Variants in MYO1D observed in about 807,000 individuals in gnomAD.
The protein encoded by MYO1D is myosin ID, also known as unconventional myosin-Id.
Under a neutral mutation model 122.0 loss-of-function variants are expected in MYO1D, and 83 were observed. The observed-to-expected ratio is 0.68, with a 90% CI of 0.57 to 0.82. The LOEUF (loss-of-function observed/expected upper bound fraction) is 0.82, where lower values mean the gene tolerates loss of function less well. Ranked by LOEUF, MYO1D falls within the 40% of genes least tolerant of loss-of-function variation. The pLI is 0.00. For synonymous variants in MYO1D, 464 were observed against 446.9 expected, an observed-to-expected ratio of 1.04 and a Z score of -0.48; for missense variants, 1,157 against 1,269.5, an observed-to-expected ratio of 0.91 and a Z score of 1.35.
intron 1 of MYO1D, among the ~76,000 whole-genome samples, chr17:32,801,991 A>C (rs890086158): frequency 6.6e-6 from 1 of 152,228 alleles, no homozygotes; most frequent in African/African-American, 2.4e-5. Context: ...TGTGGAAAAT[A>C]AGGAGAATCA....
At chr17:32,810,368 T>C (rs16967651) in intron 1 of MYO1D, among the ~76,000 whole-genome samples, 4,233 of 152,332 alleles carry the variant, frequency 0.028, 92 homozygotes, top group Middle Eastern at 0.048. Flanking sequence ...TGTCAGAATG[T>C]GCTGGAGGAT....
At chr17:32,757,016 T>C (rs1488437772) in intron 10 of MYO1D, among the ~76,000 whole-genome samples, 1 of 152,178 alleles carries the variant, frequency 6.6e-6, no homozygotes, top group East Asian at 1.9e-4. Flanking sequence ...TCTTGCTATG[T>C]CCCATCTTAC....
intron 21 of MYO1D, among the ~76,000 whole-genome samples, chr17:32,566,302 G>T (rs920885438): frequency 2.0e-5 from 3 of 152,166 alleles, no homozygotes; most frequent in Non-Finnish European, 4.4e-5. Context: ...TTGAGGAGAG[G>T]GTCAGGAAAA....
intron 19 of MYO1D, among the ~76,000 whole-genome samples, chr17:32,643,151 A>C (rs2543973): frequency 0.6 from 91,663 of 151,994 alleles, 28,037 homozygotes; most frequent in Middle Eastern, 0.7. Flanking sequence ...GAATTTTGTC[A>C]AAGGCCTTTT....
chr17:32,581,504 C>CT (rs1332107407), intron 21 of MYO1D, among the ~76,000 whole-genome samples: 1 of 151,100 alleles, frequency 6.6e-6, no homozygotes, highest in African/African-American at 2.4e-5. Context: ...CCTCCCTTCC[C>CT]TTTTCCTTTT....
At chr17:32,554,918 T>C (rs1384033108) in intron 21 of MYO1D, among the ~76,000 whole-genome samples, 3 of 152,176 alleles carry the variant, frequency 2.0e-5, no homozygotes, top group African/African-American at 7.2e-5. Flanking sequence ...GTAAGTGAAG[T>C]ATGCTCACAC....
chr17:32,680,876 G>A (rs1466863181), intron 16 of MYO1D, among the ~76,000 whole-genome samples: 1 of 152,046 alleles, frequency 6.6e-6, no homozygotes, highest in East Asian at 1.9e-4. Flanking sequence ...GAATCCATCT[G>A]GTCCTGGACT....
chr17:32,866,833 G>C (rs2091129538), intron 1 of MYO1D, among the ~76,000 whole-genome samples: 1 of 152,200 alleles, frequency 6.6e-6, no homozygotes, highest in African/African-American at 2.4e-5. Flanking sequence ...TCAGGCCACA[G>C]GGCAGGGGGA....
chr17:32,857,314 G>A (rs551225485), intron 1 of MYO1D, among the ~76,000 whole-genome samples: 26 of 152,226 alleles, frequency 1.7e-4, no homozygotes, highest in Admixed American at 3.9e-4. Context: ...GGCCGGGCAC[G>A]GTGGCTCATG....
At chr17:32,722,929 A>T (rs1349160433) in intron 14 of MYO1D, among the ~76,000 whole-genome samples, 1 of 152,092 alleles carries the variant, frequency 6.6e-6, no homozygotes, top group African/African-American at 2.4e-5. Flanking sequence ...CATGTGCTGG[A>T]ACTTACAGCT....
At chr17:32,822,689 G>A (rs1567659227) in intron 1 of MYO1D, among the ~76,000 whole-genome samples, 1 of 149,920 alleles carries the variant, frequency 6.7e-6, no homozygotes, top group Non-Finnish European at 1.5e-5. Context: ...CGGCCCTCGC[G>A]CGTCCCTCCT....
intron 20 of MYO1D, among the ~76,000 whole-genome samples, chr17:32,620,548 C>T (rs544292875): frequency 2.0e-5 from 3 of 152,194 alleles, no homozygotes; most frequent in South Asian, 2.1e-4. Flanking sequence ...GCCAGGGAAC[C>T]CCCCCCTGCC....
chr17:32,503,354 A>T (rs1173731465), intron 21 of MYO1D, among the ~76,000 whole-genome samples: 1 of 152,220 alleles, frequency 6.6e-6, no homozygotes, highest in Admixed American at 6.5e-5. Flanking sequence ...GGAGACTGTC[A>T]TTCGCCGACC....
At chr17:32,675,755 T>C (rs991030867) in intron 16 of MYO1D, among the ~76,000 whole-genome samples, 2 of 152,132 alleles carry the variant, frequency 1.3e-5, no homozygotes, top group Non-Finnish European at 2.9e-5. Flanking sequence ...TGGTGTTTTG[T>C]TTTCAGTATG....
chr17:32,501,487 C>A (rs375321038), intron 21 of MYO1D, among the ~76,000 whole-genome samples: 6 of 152,162 alleles, frequency 3.9e-5, no homozygotes, highest in Admixed American at 6.5e-5. Flanking sequence ...AATGGACAGG[C>A]CTTGGTGGGT....
chr17:32,806,271 C>T (rs1013201415), intron 1 of MYO1D, among the ~76,000 whole-genome samples: 8 of 151,590 alleles, frequency 5.3e-5, no homozygotes, highest in Non-Finnish European at 8.8e-5. Flanking sequence ...AACAAACAAA[C>T]AAAAACAAAA....
Position 32,667,937 on chromosome 17 carries a change from A to G in MYO1D, c.2122-8599T>C, listed in dbSNP as rs375051469. Reference sequence around the variant, plus strand: ...TAATTGAACCTTTTGGTCAATTACTATCAGAAGAACAGCCCAATATCAACA... The same window carrying G: ...TAATTGAACCTTTTGGTCAATTACTGTCAGAAGAACAGCCCAATATCAACA... On this transcript the variant is annotated intron_variant, in intron 16 of 21. Coordinates refer to ENST00000318217, the MANE Select transcript of MYO1D (RefSeq NM_015194.3). 2.4e-4 allele frequency among the ~76,000 whole-genome samples: 37 copies of G among 152,366 alleles called. No homozygotes were observed. The South Asian group carries it at 7.2e-3, about 30-fold the overall frequency.
At chr17:32,639,365 G>T (rs879393320) in intron 19 of MYO1D, among the ~76,000 whole-genome samples, 1 of 99,986 alleles carries the variant, frequency 1.0e-5, no homozygotes, top group African/African-American at 5.7e-5. Flanking sequence ...GAGAAATTTT[G>T]TGTGTGTGTG....
rs945753792 is a variant in MYO1D at position 32,670,437 on chromosome 17, T to TGA, written c.2122-11101_2122-11100dup. Among the ~76,000 whole-genome samples the TGA allele has an allele frequency of 8.6e-5, 13 of 150,776 alleles. No homozygotes were observed. In the East Asian group the frequency reaches 1.4e-3, roughly 16 times the overall value. ...TACACAGATATACACATATACAGAT[T>TGA]GAGAGAGAGAGAGAGAACCAAAGAA... On this transcript the variant is annotated intron_variant, in intron 16 of 21. Transcript: ENST00000318217.
Sources: allele counts gnomAD v4.1 joint callset (sites outside exome capture counted in the v4.1 genomes callset), GRCh38; gene constraint gnomAD v4.1.1; transcripts MANE v1.5; gene names NCBI Gene and HGNC (gene_info 2026-07-23, HGNC 2026-07-21).